The following FARSB variants were observed in gnomAD, a reference collection of about 807,000 sequenced individuals.
FARSB encodes phenylalanyl-tRNA synthetase subunit beta.
Under a neutral mutation model 69.6 loss-of-function variants are expected in FARSB, and 40 were observed. The observed-to-expected ratio is 0.57, with a 90% CI of 0.45 to 0.75. The LOEUF (loss-of-function observed/expected upper bound fraction) is 0.75, where lower values mean the gene tolerates loss of function less well. Ranked by LOEUF, FARSB falls within the 30% of genes least tolerant of loss-of-function variation. The probability of loss-of-function intolerance (pLI) is 0.00; values close to 1 mark genes in which losing one functional copy is unlikely to be tolerated. For missense variants in FARSB, 632 were observed against 722.9 expected (o/e 0.87, Z 1.44); for synonymous variants, 235 against 247.2 (o/e 0.95, Z 0.46).
intron 1 of FARSB, among the ~76,000 whole-genome samples, chr2:222,655,179 A>G (rs1431327292): frequency 6.6e-6 from 1 of 152,062 alleles, no homozygotes; most frequent in Non-Finnish European, 1.5e-5. Flanking sequence ...CTGGGAGTGC[A>G]GACTCCGTCT....
At chr2:222,617,360 C>T (rs989833539) in intron 14 of FARSB, among the ~76,000 whole-genome samples, 1 of 152,158 alleles carries the variant, frequency 6.6e-6, no homozygotes, top group Non-Finnish European at 1.5e-5. Context: ...ATAGAAAAGA[C>T]AGGATGTAAA....
intron 16 of FARSB, among the ~76,000 whole-genome samples, chr2:222,598,415 T>A (rs1690477569): frequency 6.6e-6 from 1 of 152,218 alleles, no homozygotes; most frequent in Non-Finnish European, 1.5e-5. Context: ...ACACAAAGCA[T>A]CACATCCACC....
intron 16 of FARSB, among the ~76,000 whole-genome samples, chr2:222,594,121 A>ATT (rs1228134895): frequency 3.1e-4 from 43 of 140,170 alleles, no homozygotes; most frequent in Admixed American, 5.0e-4. Context: ...AAAAAAAAAG[A>ATT]GCTGAGCATG....
chr2:222,607,753 G>A (rs13011151), intron 15 of FARSB, among the ~76,000 whole-genome samples: 48,442 of 151,532 alleles, frequency 0.32, 7,918 homozygotes, highest in Middle Eastern at 0.45. Flanking sequence ...TTTTTAAAAA[G>A]AAATAAAGCT....
intron 16 of FARSB, among the ~76,000 whole-genome samples, chr2:222,575,815 C>T (rs1250968622): frequency 2.0e-5 from 3 of 152,134 alleles, no homozygotes; most frequent in Admixed American, 6.5e-5. Flanking sequence ...TGTGCTCAGA[C>T]GGCAGGACCA....
At chr2:222,640,212 C>T (rs932252286) in intron 4 of FARSB, among the ~76,000 whole-genome samples, 2 of 152,178 alleles carry the variant, frequency 1.3e-5, no homozygotes, top group African/African-American at 4.8e-5. Flanking sequence ...AGCTTTGGAC[C>T]AGGCACAGAG....
At chr2:222,622,075 G>A (rs185593640) in intron 13 of FARSB, among the ~76,000 whole-genome samples, 56 of 152,306 alleles carry the variant, frequency 3.7e-4, no homozygotes, top group African/African-American at 1.3e-3. Context: ...CAGCCATGGC[G>A]TAGGACAAGT....
Position 222,574,633 on chromosome 2 carries a change from C to T in FARSB, c.1619-2611G>A, listed in dbSNP as rs184101597. On this transcript the variant is annotated intron_variant, in intron 16 of 16. Coordinates refer to ENST00000281828, the MANE Select transcript of FARSB (RefSeq NM_005687.5). The stretch of plus-strand genomic sequence containing the variant: ...TACAAATTATCCTTCCCTACCAACC[C>T]ACATGTAAAAATGAAGCCCAGTCAT... 3.3e-4 allele frequency among the ~76,000 whole-genome samples: 51 copies of T among 152,338 alleles called. 1 individual carries two copies. Among genetic ancestry groups the T allele is most frequent in the African/African-American group, 1.2e-3 (51 of 41,574 alleles).
chr2:222,570,528 CT>C lies in FARSB; in HGVS notation c.*1342del, dbSNP rs112481529. On this transcript the variant is annotated 3_prime_UTR_variant, in exon 17 of 17. Transcript: ENST00000281828. ...TCACTATCTTTGTTAGCTACTTCTT[CT>C]TTTTTTTTTTTGTAGACAGAATCTC... The C allele has an allele frequency of 1.6e-3, 233 of 144,904 alleles. No homozygotes were observed. Among genetic ancestry groups the C allele is most frequent in the Middle Eastern group, 3.5e-3 (1 of 286 alleles). The allele number at this position is 144,904 out of a possible 1,614,324, so 9.0% of individuals were successfully genotyped here. A position where few individuals can be genotyped will look rare whatever the true frequency, so the allele number is the denominator to read the frequency against.
chr2:222,622,638 T>C (rs1438473468), intron 13 of FARSB, among the ~76,000 whole-genome samples: 1 of 152,204 alleles, frequency 6.6e-6, no homozygotes, highest in African/African-American at 2.4e-5. Context: ...GACATGGCAT[T>C]ACAGACCTAG....
chr2:222,596,687 G>A (rs1465682899), intron 16 of FARSB, among the ~76,000 whole-genome samples: 1 of 152,064 alleles, frequency 6.6e-6, no homozygotes, highest in Non-Finnish European at 1.5e-5. Flanking sequence ...ATAAACTGGA[G>A]GAAATGATGC....
intron 3 of FARSB, 109 bp from the exon 4 acceptor site, chr2:222,641,040 G>T: frequency 1.4e-5 from 6 of 418,438 alleles, no homozygotes; most frequent in East Asian, 4.1e-5. Context: ...AGGGCAATGG[G>T]TTGAGTTACA....
rs1574945309 is a variant in FARSB, at chr2:222,632,799, G to C, written c.715+400C>G. Among the ~76,000 whole-genome samples the C allele has an allele frequency of 2.0e-5, 3 of 149,308 alleles. No homozygotes were observed. In the South Asian group the frequency reaches 6.3e-4, roughly 32 times the overall value. ...ACTGCACTCCAGCCTGGGCGACAGA[G>C]CAAGAGCCTGTCTCAAAAACAAAAC... On this transcript the variant is annotated intron_variant, in intron 7 of 16. Coordinates refer to ENST00000281828, the MANE Select transcript of FARSB (RefSeq NM_005687.5).
chr2:222,642,620 GTTTTAAAA>G (rs1691751324), intron 3 of FARSB, among the ~76,000 whole-genome samples: 1 of 152,150 alleles, frequency 6.6e-6, no homozygotes, highest in Non-Finnish European at 1.5e-5. Context: ...TTAAACACCA[GTTTTAAAA>G]TATGTTCTCA....
At chr2:222,619,228 C>T (rs1409140276) in intron 14 of FARSB, among the ~76,000 whole-genome samples, 8 of 150,984 alleles carry the variant, frequency 5.3e-5, no homozygotes, top group Admixed American at 2.6e-4. Context: ...ATCGCTTGAA[C>T]CCAGGAGGCA....
intron 14 of FARSB, among the ~76,000 whole-genome samples, chr2:222,615,113 T>G (rs1320738339): frequency 6.6e-6 from 1 of 152,166 alleles, no homozygotes; most frequent in Non-Finnish European, 1.5e-5. Context: ...AAGCAAAAAT[T>G]TCCTGCTTTG....
chr2:222,624,799 G>A, intron 10 of FARSB, 24 bp from the exon 11 acceptor site: 1 of 1,455,854 alleles, frequency 6.9e-7, no homozygotes, highest in South Asian at 1.2e-5. Context: ...AGTTTAAAAA[G>A]TAAATCATTT....
chr2:222,585,943 G>A (rs1479514197), intron 16 of FARSB, among the ~76,000 whole-genome samples: 2 of 152,196 alleles, frequency 1.3e-5, no homozygotes, highest in African/African-American at 4.8e-5. Flanking sequence ...ACACTCTACA[G>A]GATATTATCC....
intron 15 of FARSB, among the ~76,000 whole-genome samples, chr2:222,611,458 C>T (rs192708710): frequency 1.2e-4 from 16 of 135,154 alleles, no homozygotes; most frequent in African/African-American, 2.8e-4. Context: ...CGGGGGGGCG[C>T]GTGGGGGAGA....
Sources: gnomAD v4.1 joint callset for allele counts (sites outside exome capture counted in the v4.1 genomes callset) on GRCh38, gnomAD v4.1.1 for gene constraint, MANE v1.5 for transcripts, NCBI Gene and HGNC (gene_info 2026-07-23, HGNC 2026-07-21) for gene names.